Variants in DST observed in about 807,000 individuals in gnomAD.
DST encodes bullous pemphigoid antigen.
A neutral mutation model predicts 875.2 loss-of-function variants in DST; 253 were observed. The observed-to-expected ratio is 0.29, with a 90% CI of 0.26 to 0.32. DST has a LOEUF of 0.32. Among genes scored for constraint, DST ranks in the 10% least tolerant of loss-of-function variants. The pLI is 1.00. For missense variants in DST, 8,287 were observed against 9,111.6 expected, an observed-to-expected ratio of 0.91 and a Z score of 3.68; for synonymous variants, 3,124 against 3,197.1, an observed-to-expected ratio of 0.98 and a Z score of 0.77.
chr6:56,757,995 C>T (rs140569182), intron 4 of DST, among the ~76,000 whole-genome samples: 1 of 152,230 alleles, frequency 6.6e-6, no homozygotes, highest in Non-Finnish European at 1.5e-5. Context: ...AAACCTACTA[C>T]TAAGAGCTCT....
chr6:56,911,880 G>T (rs553288528), intron 2 of DST, among the ~76,000 whole-genome samples: 1 of 152,218 alleles, frequency 6.6e-6, no homozygotes, highest in South Asian at 2.1e-4. Flanking sequence ...TTCTTTCCTG[G>T]TCGACCTCTG....
chr6:56,786,169 T>C (rs2099705094), intron 4 of DST, among the ~76,000 whole-genome samples: 1 of 151,804 alleles, frequency 6.6e-6, no homozygotes, highest in Non-Finnish European at 1.5e-5. Context: ...GGGGGAGGGG[T>C]TGAAGAAAAA....
At chr6:56,582,615 T>C (rs1344092640) in intron 49 of DST, among the ~76,000 whole-genome samples, 1 of 151,592 alleles carries the variant, frequency 6.6e-6, no homozygotes, top group African/African-American at 2.4e-5. Context: ...TTTTTTTTTA[T>C]TAAAGTTTTA....
chr6:56,940,167 A>G lies in DST; in HGVS notation c.216+13618T>C, dbSNP rs564026050. 2.6e-5 allele frequency among the ~76,000 whole-genome samples: 4 copies of G among 151,348 alleles called. No individual in the cohort carries two copies. In the South Asian group the frequency reaches 8.4e-4, roughly 32 times the overall value. ...CAAAATGACAGAAACTTCTTAAAGT[A>G]AAATAAATTCCACATTACCCCCATA... On this transcript the variant is annotated intron_variant, in intron 2 of 103. Coordinates refer to ENST00000680361, the MANE Select transcript of DST (RefSeq NM_001374736.1).
chr6:56,765,654 A>C (rs946879107), intron 4 of DST, among the ~76,000 whole-genome samples: 4 of 152,182 alleles, frequency 2.6e-5, no homozygotes, highest in African/African-American at 9.7e-5. Flanking sequence ...TGTTAAGATG[A>C]ATGGTGAAGT....
intron 4 of DST, among the ~76,000 whole-genome samples, chr6:56,783,155 G>C (rs1190001090): frequency 2.0e-5 from 3 of 151,948 alleles, no homozygotes; most frequent in Non-Finnish European, 2.9e-5. Flanking sequence ...TATGTGGTCA[G>C]TTTTGGAATA....
At position 56,939,953 on chromosome 6, in the gene DST, G is replaced by A. The variant is rs1256254524; in HGVS notation, c.216+13832C>T. 2.6e-5 allele frequency among the ~76,000 whole-genome samples: 4 copies of A among 151,958 alleles called. No homozygotes were observed. In the East Asian group the frequency reaches 7.7e-4, roughly 29 times the overall value. On this transcript the variant is annotated intron_variant, in intron 2 of 103. Transcript: ENST00000680361. ...AGGCAGGAGAATCGCTTGAACCAGG[G>A]AGGTGGAGGTTGCAGTGAGCCGAGA...
intron 4 of DST, among the ~76,000 whole-genome samples, chr6:56,776,406 T>C (rs1356649138): frequency 1.3e-5 from 2 of 152,188 alleles, no homozygotes; most frequent in Non-Finnish European, 2.9e-5. Context: ...GATACTCATA[T>C]CAAGTATGGA....
In DST at chr6:56,607,013, G is replaced by C. The variant is rs189168657; in HGVS notation, c.7615C>G (p.Pro2539Ala). 1 of 1,613,362 alleles carries C rather than the reference G, an allele frequency of 6.2e-7. No homozygotes were observed. The highest frequency in any genetic ancestry group is 8.5e-7 in the Non-Finnish European group (1 of 1,179,594). ...NTSGEDEKTH[P>A]GFQQMPEDKE... The stretch of plus-strand genomic sequence containing the variant: ...TCTTCAGGCATCTGCTGAAAACCTG[G>C]ATGTGTTTTTTCATCCTCACCAGAA... Residue 2539 changes from proline to alanine, a missense_variant, in exon 40 of 104, where the codon CCA (proline) becomes GCA (alanine). Pro to Ala is a conservative substitution (Grantham distance 27). This residue lies in a region of DST where 3,138 missense variants were observed against 3,116.6 expected (regional missense o/e 1.01). Coordinates refer to ENST00000680361, the MANE Select transcript of DST (RefSeq NM_001374736.1).
At chr6:56,762,363 T>C (rs778626192) in intron 4 of DST, among the ~76,000 whole-genome samples, 2 of 152,108 alleles carry the variant, frequency 1.3e-5, no homozygotes, top group Non-Finnish European at 2.9e-5. Context: ...GCTTTAGAAA[T>C]CATCTCAGAA....
chr6:56,600,527 A>T (rs547649242), intron 44 of DST, among the ~76,000 whole-genome samples: 1 of 152,198 alleles, frequency 6.6e-6, no homozygotes, highest in African/African-American at 2.4e-5. Flanking sequence ...AAGCTGTTGA[A>T]ACCTGCGACA....
chr6:56,950,529 G>A (rs1411444437), intron 2 of DST, among the ~76,000 whole-genome samples: 1 of 152,110 alleles, frequency 6.6e-6, no homozygotes, highest in Non-Finnish European at 1.5e-5. Flanking sequence ...ACAGCATAAA[G>A]CATTATAAAT....
At chr6:56,836,119 C>G (rs1282245968) in intron 4 of DST, among the ~76,000 whole-genome samples, 1 of 152,054 alleles carries the variant, frequency 6.6e-6, no homozygotes, top group African/African-American at 2.4e-5. Flanking sequence ...AATGTATAAA[C>G]TATTAACTTT....
At chr6:56,868,842 TTGAGAGTTGAAATAAG>T (rs539223445) in intron 3 of DST, among the ~76,000 whole-genome samples, 6 of 152,292 alleles carry the variant, frequency 3.9e-5, no homozygotes, top group African/African-American at 1.4e-4. Context: ...GTACTGAAAT[TTGAGAGTTGAAATAAG>T]TGAGTCACTA....
chr6:56,828,163 T>G (rs536828678), intron 4 of DST, among the ~76,000 whole-genome samples: 64 of 152,284 alleles, frequency 4.2e-4, no homozygotes, highest in African/African-American at 1.5e-3. Flanking sequence ...GCTGAGGTGG[T>G]CAGTGGCCTA....
intron 9 of DST, among the ~76,000 whole-genome samples, chr6:56,684,730 CAG>C (rs2099172399): frequency 6.6e-6 from 1 of 152,204 alleles, no homozygotes; most frequent in Non-Finnish European, 1.5e-5. Flanking sequence ...AGCTTCCTCT[CAG>C]TGCACCTACT....
intron 41 of DST, 34 bp downstream of exon 41, chr6:56,603,530 T>C: frequency 6.3e-7 from 1 of 1,595,384 alleles, no homozygotes; most frequent in Non-Finnish European, 8.5e-7. Flanking sequence ...ATCAGCTGAC[T>C]ACCATCCATA....
In DST at chr6:56,648,566, T is replaced by C. The variant is rs756779972; in HGVS notation, c.1554+4A>G. Reference sequence around the variant, plus strand: ...TCCTATGTAATTTCTACAGTGACACTAACCTTCAGTTCTACAGGATTATTA... The same window carrying C: ...TCCTATGTAATTTCTACAGTGACACCAACCTTCAGTTCTACAGGATTATTA... On this transcript the variant is annotated splice_donor_region_variant and intron_variant, in intron 13 of 103. Coordinates refer to ENST00000680361, the MANE Select transcript of DST (RefSeq NM_001374736.1). The C allele has an allele frequency of 3.2e-6, 5 of 1,567,412 alleles. No individual in the cohort carries two copies. The highest frequency in any genetic ancestry group is 4.6e-5 in the East Asian group (2 of 43,458).
At chr6:56,779,440 T>C (rs1326379200) in intron 4 of DST, among the ~76,000 whole-genome samples, 1 of 152,118 alleles carries the variant, frequency 6.6e-6, no homozygotes, top group Non-Finnish European at 1.5e-5. Flanking sequence ...TTTGGTGTTT[T>C]AGACATGAAG....
Sources: allele counts gnomAD v4.1 joint callset (sites outside exome capture counted in the v4.1 genomes callset), GRCh38; gene constraint gnomAD v4.1.1; regional missense constraint gnomAD v4.1.1; transcripts MANE v1.5; gene names NCBI Gene and HGNC (gene_info 2026-07-23, HGNC 2026-07-21).